The following SNTG1 variants were observed in gnomAD, a reference collection of about 807,000 sequenced individuals.
SNTG1 encodes the protein gamma-1-syntrophin.
Under a neutral mutation model 74.7 loss-of-function variants are expected in SNTG1, and 39 were observed. The ratio of observed to expected loss-of-function variants is 0.52; its 90% confidence interval spans 0.40 to 0.68. The LOEUF (loss-of-function observed/expected upper bound fraction) is 0.68, where lower values mean the gene tolerates loss of function less well. Among genes scored for constraint, SNTG1 ranks in the 30% least tolerant of loss-of-function variants. SNTG1 has a pLI of 0.00. For missense variants in SNTG1, 685 were observed against 609.5 expected (o/e 1.12, Z -1.30); for synonymous variants, 254 against 217.1 (o/e 1.17, Z -1.49).
intron 2 of SNTG1, among the ~76,000 whole-genome samples, chr8:50,248,560 A>T (rs2086501421): frequency 6.6e-6 from 1 of 152,196 alleles, no homozygotes; most frequent in South Asian, 2.1e-4. Flanking sequence ...CACCTACTTC[A>T]GCCTTAATGA....
intron 1 of SNTG1, among the ~76,000 whole-genome samples, chr8:49,944,971 G>T (rs1459156350): frequency 2.0e-5 from 3 of 151,990 alleles, no homozygotes; most frequent in Non-Finnish European, 4.4e-5. Flanking sequence ...TGTATTTTTA[G>T]TAGAGACCAG....
intron 5 of SNTG1, among the ~76,000 whole-genome samples, 173 bp from the exon 6 acceptor site, chr8:50,449,495 C>T (rs1461836179): frequency 1.3e-5 from 2 of 152,196 alleles, no homozygotes; most frequent in African/African-American, 4.8e-5. Context: ...AAATTCTAAA[C>T]AGGTAGATAA....
chr8:50,521,348 C>T (rs2094177953), intron 9 of SNTG1, among the ~76,000 whole-genome samples: 1 of 152,158 alleles, frequency 6.6e-6, no homozygotes, highest in Admixed American at 6.5e-5. Context: ...AGCAAACCAC[C>T]ATGGCATGTG....
At chr8:50,484,128 C>CTTTCTTTCTT (rs2093765667) in intron 8 of SNTG1, among the ~76,000 whole-genome samples, 1 of 114,882 alleles carries the variant, frequency 8.7e-6, no homozygotes, top group Non-Finnish European at 1.8e-5. Flanking sequence ...TTCTTTCTTT[C>CTTTCTTTCTT]TTTCTTTCCT....
intron 12 of SNTG1, among the ~76,000 whole-genome samples, chr8:50,576,465 C>T (rs540859123): frequency 4.6e-5 from 7 of 152,164 alleles, no homozygotes; most frequent in Non-Finnish European, 8.8e-5. Flanking sequence ...TGAGATTCCA[C>T]GCAAATTTTT....
chr8:50,087,831 G>T (rs1002740123), intron 1 of SNTG1, among the ~76,000 whole-genome samples: 2 of 150,998 alleles, frequency 1.3e-5, no homozygotes, highest in Admixed American at 1.3e-4. Flanking sequence ...TGCACATTGT[G>T]CAGGTTAGTT....
At chr8:50,399,157 G>T (rs2092768112) in intron 3 of SNTG1, among the ~76,000 whole-genome samples, 1 of 152,020 alleles carries the variant, frequency 6.6e-6, no homozygotes, top group African/African-American at 2.4e-5. Context: ...ATCTGTTTTA[G>T]CACTTCGTGT....
intron 10 of SNTG1, among the ~76,000 whole-genome samples, chr8:50,530,836 G>A (rs1273420536): frequency 1.3e-5 from 2 of 151,964 alleles, no homozygotes; most frequent in Admixed American, 6.6e-5. Flanking sequence ...TGAGTAAATC[G>A]ATTTTAATAT....
chr8:49,939,692 A>G (rs1808505098), intron 1 of SNTG1, among the ~76,000 whole-genome samples: 1 of 152,160 alleles, frequency 6.6e-6, no homozygotes, highest in South Asian at 2.1e-4. Flanking sequence ...TTTTCAAACT[A>G]TTAGTCATTA....
intron 1 of SNTG1, among the ~76,000 whole-genome samples, chr8:49,977,095 C>A (rs1812263725): frequency 6.6e-6 from 1 of 152,036 alleles, no homozygotes. Flanking sequence ...AGAAGAGCAA[C>A]CAGTCTGAGA....
chr8:50,074,850 A>G (rs1243071927), intron 1 of SNTG1, among the ~76,000 whole-genome samples: 3 of 151,996 alleles, frequency 2.0e-5, no homozygotes, highest in Admixed American at 2.0e-4. Flanking sequence ...CTTGCGAGGG[A>G]GTGGGGAAGG....
chr8:50,431,069 A>T (rs2093229797), intron 4 of SNTG1, among the ~76,000 whole-genome samples: 1 of 152,128 alleles, frequency 6.6e-6, no homozygotes, highest in Non-Finnish European at 1.5e-5. Context: ...CCCATCGCTG[A>T]GGTTGTAACA....
rs555393563 is a variant in SNTG1 at position 50,277,554 on chromosome 8, T to C, written c.-28+104919T>C. Among the ~76,000 whole-genome samples the C allele has an allele frequency of 2.6e-5, 4 of 152,286 alleles. No individual in the cohort carries two copies. In the East Asian group the frequency reaches 7.7e-4, roughly 29 times the overall value. The stretch of plus-strand genomic sequence containing the variant: ...GTTGAAAATAATACTATTTGGCTGA[T>C]AGTTGTTATAAAATGGAATCCAAAG... On this transcript the variant is annotated intron_variant, in intron 2 of 18. Coordinates refer to ENST00000642720, the MANE Select transcript of SNTG1 (RefSeq NM_018967.5).
intron 1 of SNTG1, among the ~76,000 whole-genome samples, chr8:50,136,884 G>A (rs547152809): frequency 1.3e-5 from 2 of 152,082 alleles, no homozygotes; most frequent in Non-Finnish European, 2.9e-5. Context: ...CTACCAAAAT[G>A]AGGAAGAGGT....
intron 2 of SNTG1, among the ~76,000 whole-genome samples, chr8:50,250,698 A>C (rs1409225928): frequency 6.6e-6 from 1 of 152,114 alleles, no homozygotes; most frequent in Non-Finnish European, 1.5e-5. Context: ...ACAAAAAGAA[A>C]GCAAACAAAC....
chr8:50,387,503 T>C (rs953124247), intron 2 of SNTG1, among the ~76,000 whole-genome samples: 1 of 152,272 alleles, frequency 6.6e-6, no homozygotes. Context: ...TCATTTTTTT[T>C]TGGTCCATGT....
At chr8:50,566,749 T>G (rs942344136) in intron 12 of SNTG1, among the ~76,000 whole-genome samples, 2 of 151,762 alleles carry the variant, frequency 1.3e-5, no homozygotes, top group African/African-American at 4.8e-5. Context: ...CTTTTTGTGT[T>G]GTGGAAAATG....
At chr8:50,630,728 A>T (rs1011749090) in intron 13 of SNTG1, among the ~76,000 whole-genome samples, 4 of 152,224 alleles carry the variant, frequency 2.6e-5, no homozygotes, top group African/African-American at 9.6e-5. Flanking sequence ...CTTGAGAGTT[A>T]TACCCCAAGA....
At chr8:50,209,563 A>C (rs2084411868) in intron 2 of SNTG1, among the ~76,000 whole-genome samples, 1 of 152,190 alleles carries the variant, frequency 6.6e-6, no homozygotes, top group South Asian at 2.1e-4. Flanking sequence ...GCCGTTCTGC[A>C]AGATTTGCTG....
Sources: allele counts gnomAD v4.1 joint callset (sites outside exome capture counted in the v4.1 genomes callset), GRCh38; gene constraint gnomAD v4.1.1; transcripts MANE v1.5; gene names NCBI Gene and HGNC (gene_info 2026-07-23, HGNC 2026-07-21).